MCC: variants seen among roughly 807,000 people sequenced by gnomAD.
The protein encoded by MCC is MCC regulator of Wnt signaling pathway, also known as colorectal mutant cancer protein.
MCC carries 90 observed loss-of-function variants against 116.2 expected under a neutral mutation model. The observed-to-expected ratio is 0.77, with a 90% CI of 0.65 to 0.92. MCC has a LOEUF of 0.92. Among genes scored for constraint, MCC ranks in the 40% least tolerant of loss-of-function variants. The probability of loss-of-function intolerance (pLI) is 0.00; values close to 1 mark genes in which losing one functional copy is unlikely to be tolerated. For missense variants in MCC, 1,516 were observed against 1,312.2 expected (o/e 1.16, Z -2.40); for synonymous variants, 578 against 510.5 (o/e 1.13, Z -1.78).
chr5:113,065,722 C>T (rs1477390288), intron 13 of MCC, among the ~76,000 whole-genome samples: 4 of 152,216 alleles, frequency 2.6e-5, no homozygotes, highest in African/African-American at 9.7e-5. Context: ...AAAAGACCCA[C>T]AATCATAGAT....
chr5:113,378,143 G>A (rs893332485), intron 2 of MCC, among the ~76,000 whole-genome samples: 2 of 152,280 alleles, frequency 1.3e-5, no homozygotes, highest in African/African-American at 4.8e-5. Context: ...AATTCAGGAG[G>A]CTGCTTATTG....
intron 3 of MCC, among the ~76,000 whole-genome samples, chr5:113,230,783 C>T (rs1180898496): frequency 2.6e-5 from 4 of 152,182 alleles, no homozygotes; most frequent in Non-Finnish European, 5.9e-5. Context: ...AGCTACATGA[C>T]TACCTTCACA....
chr5:113,362,113 C>T (rs1440069625), intron 2 of MCC, among the ~76,000 whole-genome samples: 3 of 152,188 alleles, frequency 2.0e-5, no homozygotes, highest in African/African-American at 4.8e-5. Context: ...CTCTGGAAAG[C>T]CCTGACTAAT....
At chr5:113,340,123 T>A (rs895622557) in intron 3 of MCC, among the ~76,000 whole-genome samples, 1 of 152,228 alleles carries the variant, frequency 6.6e-6, no homozygotes, top group African/African-American at 2.4e-5. Flanking sequence ...ACAAGAAACC[T>A]TCAATGCAAT....
intron 2 of MCC, among the ~76,000 whole-genome samples, chr5:113,357,627 T>C (rs1373859205): frequency 1.3e-5 from 2 of 152,170 alleles, no homozygotes; most frequent in Non-Finnish European, 2.9e-5. Context: ...TCTCAGGAGT[T>C]GGGGCAAGTG....
intron 2 of MCC, among the ~76,000 whole-genome samples, chr5:113,384,453 T>C (rs931501109): frequency 6.6e-6 from 1 of 152,006 alleles, no homozygotes; most frequent in South Asian, 2.1e-4. Flanking sequence ...CTGGGCGTGG[T>C]AGCAGGTGCC....
chr5:113,421,555 C>T (rs747108260), intron 1 of MCC, among the ~76,000 whole-genome samples: 1 of 152,148 alleles, frequency 6.6e-6, no homozygotes, highest in Non-Finnish European at 1.5e-5. Context: ...CTTTTTGTAT[C>T]CCCATCTGTT....
intron 3 of MCC, among the ~76,000 whole-genome samples, chr5:113,321,745 GA>G (rs552353945): frequency 3.6e-4 from 55 of 152,306 alleles, no homozygotes; most frequent in African/African-American, 1.3e-3. Context: ...TCAAACTTTA[GA>G]GTGAATACAA....
At position 113,447,844 on chromosome 5, in the gene MCC, G is replaced by C. The variant is rs553689326; in HGVS notation, c.170+40401C>G. The stretch of plus-strand genomic sequence containing the variant: ...GCAGTGTCTGGAACTGCCACAGGGC[G>C]GCCCACCGAGAGAGAGCATTTTGAG... On this transcript the variant is annotated intron_variant, in intron 1 of 18. Transcript: ENST00000408903. Among the ~76,000 whole-genome samples, 280 of 89,850 alleles carry C rather than the reference G, an allele frequency of 3.1e-3. 3 individuals are homozygous for C. The highest frequency in any genetic ancestry group is 0.012 in the African/African-American group (270 of 22,988). 58.9% of individuals were successfully genotyped at this position (89,850 alleles called of 152,430 possible). A position where few individuals can be genotyped will look rare whatever the true frequency, so the allele number is the denominator to read the frequency against.
chr5:113,192,398 C>T (rs1434655703), intron 3 of MCC, among the ~76,000 whole-genome samples: 1 of 152,222 alleles, frequency 6.6e-6, no homozygotes, highest in Non-Finnish European at 1.5e-5. Flanking sequence ...TTTCCCTCTT[C>T]TCAACATGGG....
At chr5:113,259,985 T>C (rs190248450) in intron 3 of MCC, among the ~76,000 whole-genome samples, 56 of 152,252 alleles carry the variant, frequency 3.7e-4, no homozygotes, top group African/African-American at 1.3e-3. Context: ...AAAATGACTC[T>C]AGAAAAGATG....
chr5:113,104,570 T>C (rs751457819), intron 6 of MCC: 27 of 418,400 alleles, frequency 6.5e-5, no homozygotes, highest in Non-Finnish European at 9.3e-5. Context: ...GGTCATTTTC[T>C]GAATTCTCTT....
chr5:113,077,906 C>A (rs1561786671), intron 11 of MCC, among the ~76,000 whole-genome samples: 3 of 145,684 alleles, frequency 2.1e-5, no homozygotes, highest in Admixed American at 1.4e-4. Flanking sequence ...TGATAGACCG[C>A]TAGCAAGACT....
intron 1 of MCC, among the ~76,000 whole-genome samples, chr5:113,391,775 G>A (rs1045935065): frequency 1.3e-5 from 2 of 151,722 alleles, no homozygotes; most frequent in South Asian, 2.1e-4. Flanking sequence ...ATATTTTTCC[G>A]TGTTACGGAA....
rs34111159 is a variant in MCC at position 113,456,623 on chromosome 5, ATTTTTTTTTTT to A, written c.170+31611_170+31621del. The stretch of plus-strand genomic sequence containing the variant: ...AGTCACCCGCCACCATGCCCAGCTA[ATTTTTTTTTTT>A]TTTTTTTTTTTTTTTTTTAGTAGAG... On this transcript the variant is annotated intron_variant, in intron 1 of 18. Transcript: ENST00000408903. 7.9e-3 allele frequency among the ~76,000 whole-genome samples: 406 copies of A among 51,096 alleles called. 7 individuals carry two copies. The highest frequency in any genetic ancestry group is 0.029 in the African/African-American group (384 of 13,260). The allele number at this position is 51,096 out of a possible 152,430, so 33.5% of individuals were successfully genotyped here.
intron 2 of MCC, among the ~76,000 whole-genome samples, chr5:113,350,638 G>A (rs1768245392): frequency 6.6e-6 from 1 of 152,044 alleles, no homozygotes; most frequent in Non-Finnish European, 1.5e-5. Context: ...AAAATTTCTT[G>A]AGTAATACCC....
chr5:113,256,312 T>C (rs1291103638), intron 3 of MCC, among the ~76,000 whole-genome samples: 1 of 152,206 alleles, frequency 6.6e-6, no homozygotes, highest in Non-Finnish European at 1.5e-5. Context: ...TAAATGAGTA[T>C]CTACTATATC....
At chr5:113,432,128 C>G (rs781649630) in intron 1 of MCC, among the ~76,000 whole-genome samples, 1 of 151,236 alleles carries the variant, frequency 6.6e-6, no homozygotes, top group African/African-American at 2.4e-5. Context: ...GAGCGAGACT[C>G]CGTCTCAAAA....
intron 3 of MCC, among the ~76,000 whole-genome samples, chr5:113,227,476 T>C (rs1156508202): frequency 6.6e-6 from 1 of 152,208 alleles, no homozygotes; most frequent in Non-Finnish European, 1.5e-5. Context: ...ACATGGTGCC[T>C]TCCAGCTAGA....
Sources: gnomAD v4.1 joint callset for allele counts (sites outside exome capture counted in the v4.1 genomes callset) on GRCh38, gnomAD v4.1.1 for gene constraint, MANE v1.5 for transcripts, NCBI Gene and HGNC (gene_info 2026-07-23, HGNC 2026-07-21) for gene names.